The following PDE4D variants were observed in gnomAD, a reference collection of about 807,000 sequenced individuals.
PDE4D encodes 3',5'-cyclic-AMP phosphodiesterase 4D.
A neutral mutation model predicts 87.4 loss-of-function variants in PDE4D; 24 were observed. That is an observed-to-expected ratio of 0.27 (90% CI 0.20 to 0.39). The LOEUF is 0.39. Ranked by LOEUF, PDE4D falls within the 10% of genes least tolerant of loss-of-function variation. The probability of loss-of-function intolerance (pLI) is 1.00; values close to 1 mark genes in which losing one functional copy is unlikely to be tolerated. For missense variants in PDE4D, 714 were observed against 1,041.0 expected, an observed-to-expected ratio of 0.69 and a Z score of 4.32; for synonymous variants, 384 against 383.2, an observed-to-expected ratio of 1.00 and a Z score of -0.02.
At chr5:60,221,497 G>A (rs555476999) in intron 1 of PDE4D, among the ~76,000 whole-genome samples, 2 of 151,884 alleles carry the variant, frequency 1.3e-5, no homozygotes, top group South Asian at 4.2e-4. Flanking sequence ...TTTTTTATCA[G>A]GGTATAATTT....
At chr5:60,325,668 C>T (rs1392761518) in intron 1 of PDE4D, among the ~76,000 whole-genome samples, 3 of 152,016 alleles carry the variant, frequency 2.0e-5, no homozygotes, top group Non-Finnish European at 4.4e-5. Flanking sequence ...AATACAAAAT[C>T]AGTGTATCTT....
chr5:59,511,707 T>A (rs1810314357), intron 1 of PDE4D, among the ~76,000 whole-genome samples: 1 of 152,038 alleles, frequency 6.6e-6, no homozygotes, highest in African/African-American at 2.4e-5. Context: ...TGAAAATGAA[T>A]AATAATTTTC....
intron 1 of PDE4D, chr5:59,217,074 C>G: frequency 2.6e-6 from 1 of 381,018 alleles, no homozygotes; most frequent in Non-Finnish European, 5.1e-6. Flanking sequence ...TATTTTAGAG[C>G]TGGGAAAAAA....
intron 1 of PDE4D, among the ~76,000 whole-genome samples, chr5:59,272,180 A>G (rs1763952638): frequency 6.6e-6 from 1 of 152,150 alleles, no homozygotes; most frequent in South Asian, 2.1e-4. Context: ...ATAAATCCTA[A>G]ACACTGTTCT....
intron 6 of PDE4D, among the ~76,000 whole-genome samples, chr5:58,995,953 T>C (rs1413121757): frequency 6.6e-6 from 1 of 152,074 alleles, no homozygotes; most frequent in African/African-American, 2.4e-5. Context: ...GAATACTACG[T>C]AGCCATAAAA....
At chr5:59,653,511 G>A (rs576644500) in intron 1 of PDE4D, among the ~76,000 whole-genome samples, 31 of 152,324 alleles carry the variant, frequency 2.0e-4, no homozygotes, top group Admixed American at 4.6e-4. Context: ...TGAAAGTGAT[G>A]TTTATACGTA....
chr5:60,418,878 T>C (rs1434628161), intron 1 of PDE4D, among the ~76,000 whole-genome samples: 1 of 152,112 alleles, frequency 6.6e-6, no homozygotes, highest in Non-Finnish European at 1.5e-5. Context: ...GCCCCCTTAT[T>C]TGTTATAACA....
chr5:60,018,258 A>G (rs1318374692), intron 2 of PDE4D, among the ~76,000 whole-genome samples: 1 of 152,190 alleles, frequency 6.6e-6, no homozygotes, highest in Non-Finnish European at 1.5e-5. Flanking sequence ...TCATAAGCAA[A>G]GGAGAAATAA....
At chr5:59,880,746 A>G (rs1749312073) in intron 1 of PDE4D, among the ~76,000 whole-genome samples, 1 of 152,228 alleles carries the variant, frequency 6.6e-6, no homozygotes, top group Non-Finnish European at 1.5e-5. Flanking sequence ...CAGGGAGTAA[A>G]TGGCAATGCA....
chr5:60,300,183 G>A (rs1272967038), intron 1 of PDE4D, among the ~76,000 whole-genome samples: 1 of 152,076 alleles, frequency 6.6e-6, no homozygotes, highest in Non-Finnish European at 1.5e-5. Context: ...CTTGTTGGCT[G>A]CATGAATGTT....
chr5:59,848,639 C>T (rs553106548), intron 1 of PDE4D, among the ~76,000 whole-genome samples: 17 of 151,966 alleles, frequency 1.1e-4, no homozygotes, highest in East Asian at 7.8e-4. Context: ...CCTATAATAA[C>T]GGTATTAAGA....
At chr5:60,459,676 T>C (rs1231862544) in intron 1 of PDE4D, among the ~76,000 whole-genome samples, 1 of 152,086 alleles carries the variant, frequency 6.6e-6, no homozygotes, top group Non-Finnish European at 1.5e-5. Context: ...CAGAAAGGCG[T>C]AGAGACACTT....
intron 1 of PDE4D, among the ~76,000 whole-genome samples, chr5:60,386,197 G>A (rs1762180546): frequency 6.6e-6 from 1 of 151,948 alleles, no homozygotes; most frequent in East Asian, 1.9e-4. Flanking sequence ...TTTCCCTTTA[G>A]TACGTGCTTT....
Position 59,497,637 on chromosome 5 carries a change from A to C in PDE4D, c.456-281669T>G, listed in dbSNP as rs1447910715. On this transcript the variant is annotated intron_variant, in intron 1 of 14. Transcript: ENST00000340635. ...TGAATCAACCCAGGCAGGCAAAAAT[A>C]AAGAAAAAAATAATTTTAAACAATT... Among the ~76,000 whole-genome samples, 5 of 152,228 alleles carry C rather than the reference A, an allele frequency of 3.3e-5. No homozygotes were observed. The East Asian group carries it at 7.7e-4, about 24-fold the overall frequency.
intron 1 of PDE4D, among the ~76,000 whole-genome samples, chr5:60,239,628 A>G (rs1746848816): frequency 6.6e-6 from 1 of 152,042 alleles, no homozygotes; most frequent in African/African-American, 2.4e-5. Flanking sequence ...TTGTAATTTT[A>G]TTTGTAAAGA....
At chr5:59,472,374 G>C (rs1323376013) in intron 1 of PDE4D, among the ~76,000 whole-genome samples, 1 of 152,086 alleles carries the variant, frequency 6.6e-6, no homozygotes, top group Non-Finnish European at 1.5e-5. Context: ...CTGGAAGAGA[G>C]GTATGTCACA....
chr5:59,418,711 C>T (rs1372007798), intron 1 of PDE4D, among the ~76,000 whole-genome samples: 1 of 152,076 alleles, frequency 6.6e-6, no homozygotes, highest in African/African-American at 2.4e-5. Context: ...TGCAGTGGCA[C>T]GATCTCAGCT....
At chr5:60,111,076 G>GT (rs1160391171) in intron 2 of PDE4D, among the ~76,000 whole-genome samples, 3 of 151,784 alleles carry the variant, frequency 2.0e-5, no homozygotes, top group Non-Finnish European at 4.4e-5. Flanking sequence ...AGAGGAATGA[G>GT]TTCTGGTGTT....
At chr5:59,568,855 C>G (rs1406784239) in intron 1 of PDE4D, among the ~76,000 whole-genome samples, 2 of 151,922 alleles carry the variant, frequency 1.3e-5, no homozygotes, top group East Asian at 3.8e-4. Flanking sequence ...AAAAAAGAAC[C>G]TTAGGTAAAA....
Sources: allele counts gnomAD v4.1 joint callset (sites outside exome capture counted in the v4.1 genomes callset), GRCh38; gene constraint gnomAD v4.1.1; transcripts MANE v1.5; gene names NCBI Gene and HGNC (gene_info 2026-07-23, HGNC 2026-07-21).